DSC3: variants seen among roughly 807,000 people sequenced by gnomAD.
DSC3 encodes the protein desmocollin-3.
Under a neutral mutation model 89.5 loss-of-function variants are expected in DSC3, and 97 were observed. The ratio of observed to expected loss-of-function variants is 1.08; its 90% CI spans 0.92 to 1.28. DSC3 has a LOEUF of 1.28. Ranked by LOEUF, DSC3 falls within the 50% of genes most tolerant of loss-of-function variation. The pLI is 0.00. For synonymous variants in DSC3, 436 were observed against 384.1 expected (o/e 1.14, Z -1.58); for missense variants, 1,199 against 1,085.3 (o/e 1.10, Z -1.47).
At chr18:31,001,877 G>C (rs547298972) in intron 13 of DSC3, 138 bp from the exon 14 acceptor site, 388 of 682,362 alleles carry the variant, frequency 5.7e-4, no homozygotes, top group Non-Finnish European at 7.5e-4. Context: ...TATCTTGGCT[G>C]TTCTAAGTTA....
In DSC3 at chr18:31,031,586, C is replaced by T. The variant is rs144187729; in HGVS notation, c.155-414G>A. 2.4e-4 allele frequency among the ~76,000 whole-genome samples: 37 copies of T among 152,220 alleles called. No individual in the cohort carries two copies. In the East Asian group the frequency reaches 6.6e-3, roughly 27 times the overall value. ...CCTATATTCAGTGAGAAGCCATGAGCCAAAGAGCAATGGAGTGTATGAGTT... is the reference window on the plus strand; with the variant it reads ...CCTATATTCAGTGAGAAGCCATGAGTCAAAGAGCAATGGAGTGTATGAGTT... On this transcript the variant is annotated intron_variant, in intron 2 of 15. Transcript: ENST00000360428.
Position 31,027,464 on chromosome 18 carries a change from TTTCC to T in DSC3, c.475-1553_475-1550del, listed in dbSNP as rs60932501. ...TGACAGCTCAGTTCAGATGCATTGG[TTTCC>T]TTCCTTCCTTCCTTCCTTCCTTCCT... is the stretch of plus-strand genomic sequence containing the variant. On this transcript the variant is annotated intron_variant, in intron 4 of 15. Coordinates refer to ENST00000360428, the MANE Select transcript of DSC3 (RefSeq NM_001941.5). Among the ~76,000 whole-genome samples, 783 of 147,668 alleles carry T rather than the reference TTTCC, an allele frequency of 5.3e-3. 1 individual carries two copies. Among genetic ancestry groups the T allele is most frequent in the Middle Eastern group, 0.01 (3 of 290 alleles).
At chr18:31,029,674 A>T (rs1567960457) in intron 3 of DSC3, 46 bp from the exon 4 acceptor site, 1 of 1,611,596 alleles carries the variant, frequency 6.2e-7, no homozygotes, top group Non-Finnish European at 8.5e-7. Context: ...AAAGCATCAC[A>T]GTCTACTTTG....
intron 12 of DSC3, among the ~76,000 whole-genome samples, chr18:31,005,438 A>C (rs1984805013): frequency 6.6e-6 from 1 of 152,128 alleles, no homozygotes; most frequent in Non-Finnish European, 1.5e-5. Flanking sequence ...CCTTATTTGC[A>C]CATTCCCAAT....
chr18:31,001,089 G>GTGTATACATATATA (rs141615987), intron 14 of DSC3, among the ~76,000 whole-genome samples: 1 of 126,032 alleles, frequency 7.9e-6, no homozygotes, highest in African/African-American at 2.9e-5. Flanking sequence ...TTGTGTGTGT[G>GTGTATACATATATA]TATATATATA....
chr18:31,007,297 C>T (rs1459780772), intron 11 of DSC3, among the ~76,000 whole-genome samples, 166 bp from the exon 12 acceptor site: 2 of 152,092 alleles, frequency 1.3e-5, no homozygotes, highest in African/African-American at 4.8e-5. Flanking sequence ...GAATCTGCAG[C>T]TAATTTGAAA....
chr18:31,006,098 T>C (rs1218298129), intron 12 of DSC3, among the ~76,000 whole-genome samples: 1 of 152,076 alleles, frequency 6.6e-6, no homozygotes. Flanking sequence ...GTACAGAACA[T>C]GACAGCCCCC....
chr18:30,996,629 T>G (rs1984475474), intron 15 of DSC3, among the ~76,000 whole-genome samples, 162 bp downstream of exon 15: 1 of 152,150 alleles, frequency 6.6e-6, no homozygotes. Context: ...AAATCTCTTT[T>G]AAATTAAATA....
At chr18:31,002,222 G>A (rs1984686947) in intron 13 of DSC3, among the ~76,000 whole-genome samples, 1 of 152,058 alleles carries the variant, frequency 6.6e-6, no homozygotes, top group South Asian at 2.1e-4. Context: ...TCATAATTGT[G>A]GGAGATTGAA....
chr18:31,030,987 C>A lies in DSC3; in HGVS notation c.340G>T (p.Glu114Ter). 1 of 1,613,744 alleles carries A rather than the reference C, an allele frequency of 6.2e-7. No individual in the cohort carries two copies. Among genetic ancestry groups the A allele is most frequent in the Non-Finnish European group, 8.5e-7 (1 of 1,179,722 alleles). Residue 114 changes from glutamate (E) to a stop codon, truncating the protein, a stop_gained, in exon 3 of 16, where the codon GAA becomes TAA. Transcript: ENST00000360428. LOFTEE classifies it high-confidence loss of function. ...QTQKEVTVLL[E>*]HQKKVSKTRH... ...ACTTTAAATACCTTCTTCTGATGTT[C>A]TAGCAGCACAGTAACCTCTTTCTGT... is the stretch of plus-strand genomic sequence containing the variant.
chr18:30,996,369 T>A (rs950717547), intron 15 of DSC3, among the ~76,000 whole-genome samples: 4 of 152,222 alleles, frequency 2.6e-5, no homozygotes, highest in Non-Finnish European at 5.9e-5. Flanking sequence ...AAGATAAAAA[T>A]ATATATAAAT....
chr18:31,006,847 T>C, intron 12 of DSC3, 60 bp downstream of exon 12: 1 of 1,333,394 alleles, frequency 7.5e-7, no homozygotes. Flanking sequence ...AGCAAGTCAA[T>C]CTATCCTCCA....
chr18:31,029,648 A>T lies in DSC3; in HGVS notation c.355-20T>A. On this transcript the variant is annotated intron_variant, in intron 3 of 15. Coordinates refer to ENST00000360428, the MANE Select transcript of DSC3 (RefSeq NM_001941.5). ...CGATACCTGAATTTAGAGAAAAACAAATACATGAATAAACAAAAGCATCAC... is the reference window on the plus strand; with the variant it reads ...CGATACCTGAATTTAGAGAAAAACATATACATGAATAAACAAAAGCATCAC... 1 of 1,613,336 alleles carries T rather than the reference A, an allele frequency of 6.2e-7. No homozygotes were observed. The highest frequency in any genetic ancestry group is 8.5e-7 in the Non-Finnish European group (1 of 1,179,348).
At chr18:31,038,283 T>A (rs1986033198) in intron 1 of DSC3, among the ~76,000 whole-genome samples, 1 of 152,218 alleles carries the variant, frequency 6.6e-6, no homozygotes, top group Non-Finnish European at 1.5e-5. Flanking sequence ...TTGTTCCATA[T>A]AATTCTGAAA....
Position 30,989,461 on chromosome 18 carries a change from AGAG to A in DSC3, c.*4711_*4713del, listed in dbSNP as rs1035533437. On this transcript the variant is annotated 3_prime_UTR_variant, in exon 16 of 16. Coordinates refer to ENST00000360428, the MANE Select transcript of DSC3 (RefSeq NM_001941.5). ...GCCAGGGGATAATGCAGGGAGGGGA[AGAG>A]GAGAATGACTGCTTAAAAGGTTTCC... is the stretch of plus-strand genomic sequence containing the variant. 2.0e-5 allele frequency among the ~76,000 whole-genome samples: 3 copies of A among 152,160 alleles called. No individual in the cohort carries two copies. Among genetic ancestry groups the A allele is most frequent in the African/African-American group, 7.2e-5 (3 of 41,442 alleles).
At chr18:31,033,406 T>C in intron 1 of DSC3, among the ~76,000 whole-genome samples, 1 of 152,060 alleles carries the variant, frequency 6.6e-6, no homozygotes, top group East Asian at 1.9e-4. Flanking sequence ...GTGCTGGCAA[T>C]AGAATAAATA....
intron 9 of DSC3, among the ~76,000 whole-genome samples, chr18:31,017,441 T>C (rs1187017800): frequency 6.6e-6 from 1 of 152,136 alleles, no homozygotes; most frequent in Non-Finnish European, 1.5e-5. Flanking sequence ...CCTACCCTCA[T>C]AACCTGGATC....
intron 1 of DSC3, among the ~76,000 whole-genome samples, chr18:31,035,724 A>G (rs1189401153): frequency 1.3e-5 from 2 of 152,128 alleles, no homozygotes; most frequent in African/African-American, 4.8e-5. Flanking sequence ...AAAAAAAATG[A>G]ACATTTTGCA....
At chr18:31,034,256 T>C (rs1985900565) in intron 1 of DSC3, among the ~76,000 whole-genome samples, 1 of 152,112 alleles carries the variant, frequency 6.6e-6, no homozygotes, top group South Asian at 2.1e-4. Flanking sequence ...CAAAAAAAGA[T>C]ATTAAAATGG....
Sources: allele counts gnomAD v4.1 joint callset (sites outside exome capture counted in the v4.1 genomes callset), GRCh38; gene constraint gnomAD v4.1.1; transcripts MANE v1.5; gene names NCBI Gene and HGNC (gene_info 2026-07-23, HGNC 2026-07-21).